The following PRKD2 variants were observed in gnomAD, a reference collection of about 807,000 sequenced individuals.
PRKD2 encodes serine/threonine-protein kinase D2.
In PRKD2, 22 loss-of-function variants were observed where a neutral mutation model predicts 86.0. That is an observed-to-expected ratio of 0.26 (90% CI 0.18 to 0.37). The LOEUF is 0.37. Ranked by LOEUF, PRKD2 falls within the 10% of genes least tolerant of loss-of-function variation. PRKD2 has a pLI of 1.00. For synonymous variants in PRKD2, 509 were observed against 510.9 expected, an observed-to-expected ratio of 1.00 and a Z score of 0.05; for missense variants, 818 against 1,199.2, an observed-to-expected ratio of 0.68 and a Z score of 4.70.
chr19:46,691,999 A>G lies in PRKD2; in HGVS notation c.1577-14T>C. On this transcript the variant is annotated splice_polypyrimidine_tract_variant and intron_variant, in intron 10 of 17. Transcript: ENST00000291281. ...GAGAAGCTTGTCCTAGGGAGAGGGG[A>G]GAGACAGAGGTGAGGGGACTCCAGG... 1 of 1,612,968 alleles carries G rather than the reference A, an allele frequency of 6.2e-7. No homozygotes were observed. The highest frequency in any genetic ancestry group is 8.5e-7 in the Non-Finnish European group (1 of 1,179,108).
In PRKD2 at chr19:46,678,682, G is replaced by T. The variant is rs901895501; in HGVS notation, c.2071-19C>A. The T allele has an allele frequency of 2.5e-6, 4 of 1,595,478 alleles. No individual in the cohort carries two copies. The highest frequency in any genetic ancestry group is 3.4e-6 in the Non-Finnish European group (4 of 1,175,744). On this transcript the variant is annotated intron_variant, in intron 15 of 17. Transcript: ENST00000291281. The surrounding 1 kb of genome is among the most constrained non-coding windows in gnomAD (Gnocchi z 5.7). The stretch of plus-strand genomic sequence containing the variant: ...GCTTCACCTGCAGAGGGCAAGGGAT[G>T]GAGGCTCCACCAGGTGATGGAGCCG...
Position 46,691,725 on chromosome 19 carries a change from G to T in PRKD2, c.1702+10C>A. ...GGGCTCCCTCTGGGTTAGCTCTGAA[G>T]TGTCCTCACCTCCATAGACCACTCC... On this transcript the variant is annotated intron_variant, in intron 12 of 17. Coordinates refer to ENST00000291281, the MANE Select transcript of PRKD2 (RefSeq NM_016457.5). The T allele has an allele frequency of 6.2e-7, 1 of 1,612,126 alleles. No individual in the cohort carries two copies. The highest frequency in any genetic ancestry group is 2.2e-5 in the East Asian group (1 of 44,886).
At position 46,690,686 on chromosome 19, in the gene PRKD2, G is replaced by A. The variant is rs897509792; in HGVS notation, c.1723C>T (p.Arg575Trp). The A allele has an allele frequency of 3.7e-6, 6 of 1,614,068 alleles. No individual in the cohort carries two copies. In the East Asian group the frequency reaches 8.9e-5, roughly 24 times the overall value. The change falls in exon 13 of 18, where the codon CGG (arginine) becomes TGG (tryptophan). Residue 575 changes from arginine to tryptophan, a missense_variant. By Grantham distance (101) the Arg-to-Trp change is moderately radical. Coordinates refer to ENST00000291281, the MANE Select transcript of PRKD2 (RefSeq NM_016457.5). Reference sequence around the variant, plus strand: ...TCAATGACCTTAACTGCCACGTCCCGGCCTGTCTTCCGGTGTTTTCCTGCA... The same window carrying A: ...TCAATGACCTTAACTGCCACGTCCCAGCCTGTCTTCCGGTGTTTTCCTGCA... The part of the protein sequence containing the change: ...VYGGKHRKTG[R>W]DVAVKVIDKL...
In PRKD2 at chr19:46,693,279, C is replaced by G. The variant is rs1038663326; in HGVS notation, c.1576+596G>C. On this transcript the variant is annotated intron_variant, in intron 10 of 17. Transcript: ENST00000291281. The surrounding 1 kb of genome is among the most constrained non-coding windows in gnomAD (Gnocchi z 4.5). ...CCCATGAGGGCAGGTCTTGGGCTGT[C>G]CTGGCCACCACTGGGTCCCCAGCAC... Among the ~76,000 whole-genome samples the G allele has an allele frequency of 3.9e-5, 6 of 152,206 alleles. No homozygotes were observed. The highest frequency in any genetic ancestry group is 1.4e-4 in the African/African-American group (6 of 41,458).
chr19:46,699,674 G>C (rs2053609210), intron 7 of PRKD2, among the ~76,000 whole-genome samples: 1 of 152,162 alleles, frequency 6.6e-6, no homozygotes. Flanking sequence ...GGAAGTGCCT[G>C]ATCTGAGCCA....
chr19:46,697,884 T>C (rs1188083317), intron 7 of PRKD2, 34 bp from the exon 8 acceptor site: 3 of 1,531,464 alleles, frequency 2.0e-6, no homozygotes, highest in African/African-American at 2.7e-5. Flanking sequence ...AGAAGTCACA[T>C]GCAGAAAGTG....
intron 2 of PRKD2, among the ~76,000 whole-genome samples, chr19:46,712,128 A>G (rs1244670476): frequency 6.6e-6 from 1 of 150,392 alleles, no homozygotes; most frequent in Non-Finnish European, 1.5e-5. Flanking sequence ...CCTATAGTCC[A>G]GCCACCTCAG....
intron 7 of PRKD2, among the ~76,000 whole-genome samples, chr19:46,698,272 C>T (rs754877391): frequency 7.9e-5 from 12 of 152,092 alleles, no homozygotes; most frequent in Non-Finnish European, 1.5e-4. Flanking sequence ...ACTCCTGCCC[C>T]TAGTCCCACC....
At chr19:46,683,679 T>A (rs1234724961) in intron 14 of PRKD2, among the ~76,000 whole-genome samples, 1 of 151,844 alleles carries the variant, frequency 6.6e-6, no homozygotes, top group South Asian at 2.1e-4. Flanking sequence ...CATCGCGCCA[T>A]TGCACTCCAG....
Position 46,704,590 on chromosome 19 carries a change from C to A in PRKD2, c.571G>T (p.Ala191Ser), listed in dbSNP as rs776989283. The A allele has an allele frequency of 1.2e-6, 2 of 1,613,902 alleles. No individual in the cohort carries two copies. The highest frequency in any genetic ancestry group is 3.3e-5 in the Admixed American group (2 of 59,972). The change falls in exon 4 of 18, where the codon GCC (alanine) becomes TCC (serine). Residue 191 changes from alanine (A) to serine (S), a missense_variant. Around this residue, in one of 5 missense-constraint regions of PRKD2, gnomAD observed 403 missense variants for 518.6 expected, o/e 0.78. Coordinates refer to ENST00000291281, the MANE Select transcript of PRKD2 (RefSeq NM_016457.5). ...AFSIPNNCSG[A>S]RKRRLSSTSL... is the part of the protein sequence containing the mutation. ...GTGGATGACAGGCGCCGTTTGCGGGCCCCACTACAGTTGTTGGGGATGCTG... is the reference window on the plus strand; with the variant it reads ...GTGGATGACAGGCGCCGTTTGCGGGACCCACTACAGTTGTTGGGGATGCTG...
In PRKD2 at chr19:46,691,650, G is replaced by C; in HGVS notation, c.1702+85C>G. On this transcript the variant is annotated intron_variant, in intron 12 of 17. Transcript: ENST00000291281. ...GCATGTGACCAATCAGAAAGGAAGG[G>C]TTGGAGCCAGAAAGAAAGGGCTGGA... The C allele has an allele frequency of 5.9e-6, 8 of 1,357,912 alleles. No homozygotes were observed. The South Asian group carries it at 8.2e-5, about 14-fold the overall frequency. The allele number at this position is 1,357,912 out of a possible 1,614,324, so 84.1% of individuals were successfully genotyped here.
In PRKD2 at chr19:46,697,854, C is replaced by G. The variant is rs780676915; in HGVS notation, c.1122-4G>C. 1.9e-6 allele frequency: 3 copies of G among 1,609,400 alleles called. No individual in the cohort carries two copies. The highest frequency in any genetic ancestry group is 2.6e-6 in the Non-Finnish European group (3 of 1,176,044). On this transcript the variant is annotated splice_region_variant and splice_polypyrimidine_tract_variant and intron_variant, in intron 7 of 17. Transcript: ENST00000291281. The stretch of plus-strand genomic sequence containing the variant: ...TAGGGGGATGTACCCCAGGGAGCTG[C>G]GAAGGAAGAGGAAGGGGTGAGAAGT...
intron 14 of PRKD2, chr19:46,685,450 A>G: frequency 6.6e-6 from 1 of 152,224 alleles, no homozygotes; most frequent in South Asian, 2.1e-4. Context: ...TGAGGCCTAC[A>G]TAAGCTCAGG....
At chr19:46,694,197 C>T (rs192658157) in intron 9 of PRKD2, 64 bp from the exon 10 acceptor site, 1 of 1,579,676 alleles carries the variant, frequency 6.3e-7, no homozygotes, top group East Asian at 2.2e-5. Context: ...TAGTGCTTAC[C>T]CAGAAGGATA....
In PRKD2 at chr19:46,704,229, C is replaced by T. The variant is rs1442859263; in HGVS notation, c.829G>A (p.Val277Ile). 6 of 1,614,058 alleles carry T rather than the reference C, an allele frequency of 3.7e-6. No homozygotes were observed. Among genetic ancestry groups the T allele is most frequent in the South Asian group, 1.1e-5 (1 of 91,092 alleles). The stretch of plus-strand genomic sequence containing the variant: ...AGGAGTTTCTTGCAAGCCTGGCAAA[C>T]GGTGGGCCGTGTATAGCTGTGGATG... Reference protein sequence around the residue: ...FLIHSYTRPTVCQACKKLLKG... With the variant: ...FLIHSYTRPTICQACKKLLKG... The change falls in exon 5 of 18, where the codon GTT becomes ATT. Residue 277 changes from valine (V) to isoleucine (I), a missense_variant. Val to Ile is a conservative substitution (Grantham distance 29). Coordinates refer to ENST00000291281, the MANE Select transcript of PRKD2 (RefSeq NM_016457.5).
intron 15 of PRKD2, 89 bp downstream of exon 15, chr19:46,681,561 A>T: frequency 1.1e-6 from 1 of 903,934 alleles, no homozygotes; most frequent in Non-Finnish European, 1.7e-6. Flanking sequence ...TCGCCCCCAC[A>T]TCTTGATTAG....
intron 15 of PRKD2, among the ~76,000 whole-genome samples, chr19:46,680,947 T>TATATATATATATATATATATATA (rs1555826536): frequency 3.3e-4 from 11 of 33,214 alleles, no homozygotes; most frequent in Admixed American, 1.2e-3. Flanking sequence ...TATATATATA[T>TATATATATATATATATATATATA]TTTTTTTTTT....
At position 46,678,595 on chromosome 19, in the gene PRKD2, G is replaced by A. The variant is rs1191639554; in HGVS notation, c.2139C>T (p.Gly713=). Reference sequence around the variant, plus strand: ...CCTCGGGTGCCAGGTAGGCCGGCGTGCCCACCACTGAGCGGCGGAACGACT... The same window carrying A: ...CCTCGGGTGCCAGGTAGGCCGGCGTACCCACCACTGAGCGGCGGAACGACT... ...GEKSFRRSVV[G]TPAYLAPEVL... Residue 713 remains glycine, a synonymous_variant, in exon 16 of 18, where the codon GGC becomes GGT. Transcript: ENST00000291281. The surrounding 1 kb of genome is among the most constrained non-coding windows in gnomAD (Gnocchi z 5.7). The A allele has an allele frequency of 3.1e-6, 5 of 1,613,396 alleles. No homozygotes were observed. The highest frequency in any genetic ancestry group is 3.4e-6 in the Non-Finnish European group (4 of 1,180,044).
chr19:46,675,280 C>T (rs1471646608), intron 16 of PRKD2, among the ~76,000 whole-genome samples, 162 bp from the exon 17 acceptor site: 1 of 152,172 alleles, frequency 6.6e-6, no homozygotes, highest in Non-Finnish European at 1.5e-5. Flanking sequence ...CACCCATTTC[C>T]TCATTACATT....
Sources: allele counts gnomAD v4.1 joint callset (sites outside exome capture counted in the v4.1 genomes callset), GRCh38; gene constraint gnomAD v4.1.1; regional missense constraint gnomAD v4.1.1; non-coding constraint Gnocchi (gnomAD v3.1); transcripts MANE v1.5; gene names NCBI Gene and HGNC (gene_info 2026-07-23, HGNC 2026-07-21).